ARHGAP32: variants seen among roughly 807,000 people sequenced by gnomAD.
ARHGAP32 encodes the protein Rho GTPase activating protein 32.
In ARHGAP32, 51 loss-of-function variants were observed where a neutral mutation model predicts 186.5. The ratio of observed to expected loss-of-function variants is 0.27; its 90% CI spans 0.22 to 0.35. ARHGAP32 has a LOEUF of 0.35. Ranked by LOEUF, ARHGAP32 falls within the 10% of genes least tolerant of loss-of-function variation. The pLI is 1.00. For synonymous variants in ARHGAP32, 950 were observed against 964.3 expected, an observed-to-expected ratio of 0.99 and a Z score of 0.27; for missense variants, 2,186 against 2,623.5, an observed-to-expected ratio of 0.83 and a Z score of 3.64.
intron 1 of ARHGAP32, among the ~76,000 whole-genome samples, chr11:129,247,506 T>C (rs1945116547): frequency 6.6e-6 from 1 of 152,242 alleles, no homozygotes; most frequent in Non-Finnish European, 1.5e-5. Flanking sequence ...AATAAAAATG[T>C]ACCAAATTAT....
Position 129,229,633 on chromosome 11 carries a change from G to A in ARHGAP32, c.-5+49513C>T, listed in dbSNP as rs375529111. Among the ~76,000 whole-genome samples, 1,217 of 152,224 alleles carry A rather than the reference G, an allele frequency of 8.0e-3. 9 individuals are homozygous for A. Among genetic ancestry groups the A allele is most frequent in the South Asian group, 0.031 (150 of 4,814 alleles). On this transcript the variant is annotated intron_variant, in intron 1 of 6. Transcript: ENST00000525234. The stretch of plus-strand genomic sequence containing the variant: ...GAGCTCTAAGAACACAAAAGGTAGC[G>A]TAGTGGAGAGGCTATCGACTAGGCT...
At chr11:129,018,902 C>T (rs1191333842) in intron 11 of ARHGAP32, among the ~76,000 whole-genome samples, 1 of 152,034 alleles carries the variant, frequency 6.6e-6, no homozygotes, top group African/African-American at 2.4e-5. Context: ...CTTTTTATAA[C>T]ACAAAAAGAC....
intron 1 of ARHGAP32, among the ~76,000 whole-genome samples, chr11:129,236,796 G>A (rs573810913): frequency 6.6e-6 from 1 of 152,264 alleles, no homozygotes; most frequent in East Asian, 1.9e-4. Context: ...CTGAATAGAA[G>A]TGGTGAAAGT....
intron 1 of ARHGAP32, among the ~76,000 whole-genome samples, chr11:129,212,833 C>T (rs1591699925): frequency 6.6e-6 from 1 of 151,570 alleles, no homozygotes; most frequent in East Asian, 1.9e-4. Context: ...ACATGTACAA[C>T]TATTATGTAT....
chr11:129,147,523 T>C (rs1943190992), intron 2 of ARHGAP32, among the ~76,000 whole-genome samples: 1 of 152,204 alleles, frequency 6.6e-6, no homozygotes, highest in Non-Finnish European at 1.5e-5. Flanking sequence ...TCCATAGGCG[T>C]ATGGGATTTT....
chr11:129,029,063 A>T (rs1175704328), intron 11 of ARHGAP32, among the ~76,000 whole-genome samples: 2 of 152,182 alleles, frequency 1.3e-5, no homozygotes, highest in Non-Finnish European at 2.9e-5. Context: ...ATTTTTTTAA[A>T]TTAAAGTGGC....
chr11:129,101,099 C>A (rs548130002), intron 5 of ARHGAP32, among the ~76,000 whole-genome samples: 5 of 152,166 alleles, frequency 3.3e-5, no homozygotes, highest in Non-Finnish European at 5.9e-5. Context: ...CAGTTGGGAG[C>A]AGAGCGCTGG....
chr11:128,988,360 AAGTG>A (rs2136128313), intron 12 of ARHGAP32, among the ~76,000 whole-genome samples: 1 of 152,338 alleles, frequency 6.6e-6, no homozygotes, highest in African/African-American at 2.4e-5. Flanking sequence ...CATGATATTT[AAGTG>A]AGTAAGAGAG....
At chr11:129,107,868 CAA>C (rs71057924) in intron 5 of ARHGAP32, among the ~76,000 whole-genome samples, 4 of 93,406 alleles carry the variant, frequency 4.3e-5, no homozygotes, top group East Asian at 3.4e-4. Flanking sequence ...AACTATGTTT[CAA>C]AAAAAAAAAA....
chr11:129,150,762 C>A (rs1343349944), intron 2 of ARHGAP32, among the ~76,000 whole-genome samples: 1 of 151,980 alleles, frequency 6.6e-6, no homozygotes, highest in East Asian at 1.9e-4. Flanking sequence ...AAAATAGAAC[C>A]TCCTTAAAGC....
intron 5 of ARHGAP32, among the ~76,000 whole-genome samples, chr11:129,107,790 C>G (rs1321952727): frequency 6.6e-6 from 1 of 151,044 alleles, no homozygotes; most frequent in Non-Finnish European, 1.5e-5. Context: ...ACTGCTTGAA[C>G]CCAGGAGGCG....
At chr11:129,222,540 G>T (rs542603650) in intron 1 of ARHGAP32, among the ~76,000 whole-genome samples, 14 of 152,224 alleles carry the variant, frequency 9.2e-5, no homozygotes, top group African/African-American at 3.1e-4. Flanking sequence ...TTTCTGCATG[G>T]TCCAGAAAGG....
At chr11:129,057,118 C>T (rs376039976) in intron 10 of ARHGAP32, among the ~76,000 whole-genome samples, 346 of 152,306 alleles carry the variant, frequency 2.3e-3, no homozygotes, top group African/African-American at 8.2e-3. Flanking sequence ...TGCTGTTCCC[C>T]GCCTGGCCTG....
rs751708704 is a variant in ARHGAP32, at chr11:129,010,026, T to C, written c.1046-11558A>G. Among the ~76,000 whole-genome samples the C allele has an allele frequency of 5.9e-5, 9 of 152,350 alleles. No individual in the cohort carries two copies. In the South Asian group the frequency reaches 8.3e-4, roughly 14 times the overall value. ...AATCGCCATTCTGACTGGCGTGAGATGGTATCTCATTGTGGTTTTGATTTC... is the reference window on the plus strand; with the variant it reads ...AATCGCCATTCTGACTGGCGTGAGACGGTATCTCATTGTGGTTTTGATTTC... On this transcript the variant is annotated intron_variant, in intron 11 of 22. Transcript: ENST00000682385.
rs577440887 is a variant in ARHGAP32 at position 129,159,194 on chromosome 11, A to G, written c.225+5125T>C. On this transcript the variant is annotated intron_variant, in intron 2 of 22. Transcript: ENST00000682385. Reference sequence around the variant, plus strand: ...TTCAAGAGCTAACAGAAGACAAGAAATAACTAAGGAGCAGAACTGAAGGAG... The same window carrying G: ...TTCAAGAGCTAACAGAAGACAAGAAGTAACTAAGGAGCAGAACTGAAGGAG... Among the ~76,000 whole-genome samples the G allele has an allele frequency of 2.6e-5, 4 of 152,268 alleles. No individual in the cohort carries two copies. In the East Asian group the frequency reaches 7.7e-4, roughly 29 times the overall value.
intron 1 of ARHGAP32, among the ~76,000 whole-genome samples, chr11:129,233,737 T>C (rs1944889024): frequency 1.3e-5 from 2 of 152,032 alleles, no homozygotes; most frequent in South Asian, 4.1e-4. Flanking sequence ...TATCCATGTA[T>C]TACACGGAAT....
At chr11:129,064,723 A>C in intron 8 of ARHGAP32, 118 bp downstream of exon 8, 1 of 729,186 alleles carries the variant, frequency 1.4e-6, no homozygotes, top group South Asian at 1.9e-5. Flanking sequence ...GATGCTGAGA[A>C]TATACTTCAT....
At chr11:129,179,449 T>A (rs1202309672) in intron 1 of ARHGAP32, among the ~76,000 whole-genome samples, 1 of 152,184 alleles carries the variant, frequency 6.6e-6, no homozygotes, top group African/African-American at 2.4e-5. Context: ...AATGGGTATA[T>A]ACCCAAAGGA....
intron 1 of ARHGAP32, among the ~76,000 whole-genome samples, chr11:129,208,098 T>C (rs1174678021): frequency 2.0e-5 from 3 of 152,136 alleles, no homozygotes; most frequent in Non-Finnish European, 4.4e-5. Context: ...TTTAAAAGAA[T>C]AATATAAAAG....
Sources: allele counts gnomAD v4.1 joint callset (sites outside exome capture counted in the v4.1 genomes callset), GRCh38; gene constraint gnomAD v4.1.1; transcripts MANE v1.5; gene names NCBI Gene and HGNC (gene_info 2026-07-23, HGNC 2026-07-21).